The following LGR6 variants were observed in gnomAD, a reference collection of about 807,000 sequenced individuals.
The protein encoded by LGR6 is leucine-rich repeat-containing G protein-coupled receptor 6.
In LGR6, 45 loss-of-function variants were observed where a neutral mutation model predicts 69.4. The ratio of observed to expected loss-of-function variants is 0.65; its 90% CI spans 0.51 to 0.83. LGR6 has a LOEUF of 0.83. Among genes scored for constraint, LGR6 ranks in the 40% least tolerant of loss-of-function variants. The pLI is 0.00. For synonymous variants in LGR6, 538 were observed against 555.0 expected (o/e 0.97, Z 0.43); for missense variants, 1,108 against 1,246.7 (o/e 0.89, Z 1.68).
intron 4 of LGR6, among the ~76,000 whole-genome samples, chr1:202,256,306 C>T (rs1055693818): frequency 1.3e-5 from 2 of 151,982 alleles, no homozygotes; most frequent in African/African-American, 2.4e-5. Flanking sequence ...TGCAGTGGTG[C>T]GATCTTGGCT....
chr1:202,240,282 G>A (rs930258053), intron 4 of LGR6, among the ~76,000 whole-genome samples: 5 of 148,192 alleles, frequency 3.4e-5, no homozygotes, highest in East Asian at 2.1e-4. Flanking sequence ...GCTGAGGCAC[G>A]AAAATTGCTT....
chr1:202,260,818 A>G (rs896128614), intron 4 of LGR6, among the ~76,000 whole-genome samples: 3 of 152,064 alleles, frequency 2.0e-5, no homozygotes, highest in African/African-American at 7.2e-5. Context: ...ATCACAATCT[A>G]TTTTTCTCAG....
At chr1:202,221,482 C>G (rs1247203301) in intron 1 of LGR6, among the ~76,000 whole-genome samples, 1 of 152,188 alleles carries the variant, frequency 6.6e-6, no homozygotes, top group Non-Finnish European at 1.5e-5. Context: ...TCTCCATTCC[C>G]CTCCTGCACG....
chr1:202,296,022 C>G (rs1416536562), intron 6 of LGR6, among the ~76,000 whole-genome samples: 1 of 152,078 alleles, frequency 6.6e-6, no homozygotes, highest in South Asian at 2.1e-4. Flanking sequence ...GACCCTGTCA[C>G]GCAGAGGAGC....
intron 3 of LGR6, among the ~76,000 whole-genome samples, chr1:202,233,402 G>A (rs1017550873): frequency 3.3e-5 from 5 of 152,108 alleles, no homozygotes; most frequent in Non-Finnish European, 7.4e-5. Flanking sequence ...GCGACCCCCT[G>A]TTTTCTCAGC....
intron 1 of LGR6, chr1:202,214,388 C>G (rs1333759519): frequency 4.9e-6 from 4 of 819,536 alleles, no homozygotes; most frequent in Non-Finnish European, 7.1e-6. Context: ...GAGGCCGCCT[C>G]CCCACTTCCG....
chr1:202,281,628 G>C (rs1666014182), intron 6 of LGR6, among the ~76,000 whole-genome samples: 1 of 152,120 alleles, frequency 6.6e-6, no homozygotes, highest in Non-Finnish European at 1.5e-5. Flanking sequence ...ATGGCCACCT[G>C]GTACAGGCCT....
chr1:202,260,196 G>T (rs1040327298), intron 4 of LGR6, among the ~76,000 whole-genome samples: 1 of 151,944 alleles, frequency 6.6e-6, no homozygotes, highest in African/African-American at 2.4e-5. Context: ...GTGTCACCAC[G>T]CCCAGTTAAT....
intron 3 of LGR6, among the ~76,000 whole-genome samples, 197 bp from the exon 4 acceptor site, chr1:202,235,725 C>T (rs920920860): frequency 7.9e-5 from 12 of 152,150 alleles, no homozygotes. Context: ...CCATGTACAA[C>T]ACCCCAGGGA....
At chr1:202,307,278 T>G in intron 13 of LGR6, 52 bp from the exon 14 acceptor site, 30 of 1,536,588 alleles carry the variant, frequency 2.0e-5, no homozygotes, top group Non-Finnish European at 2.5e-5. Context: ...ATGGGAACAG[T>G]GAGTCCTCCA....
intron 1 of LGR6, among the ~76,000 whole-genome samples, chr1:202,201,974 G>A (rs1000128143): frequency 1.3e-5 from 2 of 152,198 alleles, no homozygotes; most frequent in Non-Finnish European, 2.9e-5. Flanking sequence ...AGGTGCACGT[G>A]AGAAGTGAAC....
chr1:202,302,341 G>T (rs1392032128), intron 9 of LGR6, among the ~76,000 whole-genome samples: 1 of 152,152 alleles, frequency 6.6e-6, no homozygotes, highest in East Asian at 1.9e-4. Context: ...GCCCTGTTGG[G>T]CATGAACCCA....
chr1:202,239,028 G>T (rs1661899058), intron 4 of LGR6, among the ~76,000 whole-genome samples: 1 of 152,134 alleles, frequency 6.6e-6, no homozygotes, highest in African/African-American at 2.4e-5. Flanking sequence ...GACGGGGCAG[G>T]GGTTTTATTG....
chr1:202,280,965 C>A, intron 6 of LGR6, 113 bp downstream of exon 6: 1 of 933,332 alleles, frequency 1.1e-6, no homozygotes, highest in South Asian at 1.6e-5. Flanking sequence ...ATGCTGGGGT[C>A]TGGCCCCGGG....
chr1:202,205,788 C>T (rs572980871), intron 1 of LGR6, among the ~76,000 whole-genome samples: 1 of 148,190 alleles, frequency 6.7e-6, no homozygotes, highest in Non-Finnish European at 1.5e-5. Context: ...CATACGCACA[C>T]CTCCTTCAAA....
intron 4 of LGR6, among the ~76,000 whole-genome samples, chr1:202,273,601 G>A (rs1014540665): frequency 1.2e-4 from 18 of 151,988 alleles, no homozygotes; most frequent in African/African-American, 4.4e-4. Flanking sequence ...GGGATTACAG[G>A]CGTGTGCAAC....
intron 4 of LGR6, among the ~76,000 whole-genome samples, chr1:202,263,615 T>C (rs1280540112): frequency 6.6e-6 from 1 of 152,182 alleles, no homozygotes; most frequent in Admixed American, 6.5e-5. Flanking sequence ...TGGTGGGTAC[T>C]TGTGGACCAA....
At chr1:202,194,683 G>T in intron 1 of LGR6, 1 of 371,216 alleles carries the variant, frequency 2.7e-6, no homozygotes, top group Non-Finnish European at 5.2e-6. Flanking sequence ...GTCACACTGA[G>T]GCTGGGTGGC....
chr1:202,215,123 G>T, intron 1 of LGR6, among the ~76,000 whole-genome samples: 1 of 151,818 alleles, frequency 6.6e-6, no homozygotes, highest in Non-Finnish European at 1.5e-5. Flanking sequence ...AGGGTGGTGG[G>T]GGTGGTGAGG....
Sources: gnomAD v4.1 joint callset for allele counts (sites outside exome capture counted in the v4.1 genomes callset) on GRCh38, gnomAD v4.1.1 for gene constraint, MANE v1.5 for transcripts, NCBI Gene and HGNC (gene_info 2026-07-23, HGNC 2026-07-21) for gene names.